ANGEL2: variants seen among roughly 807,000 people sequenced by gnomAD.
The protein encoded by ANGEL2 is angel homolog 2, also known as RNA 2',3'-cyclic phosphatase ANGEL2.
ANGEL2 carries 41 observed loss-of-function variants against 66.0 expected under a neutral mutation model. The ratio of observed to expected loss-of-function variants is 0.62; its 90% CI spans 0.48 to 0.81. ANGEL2 has a LOEUF of 0.81. Ranked by LOEUF, ANGEL2 falls within the 30% of genes least tolerant of loss-of-function variation. The pLI is 0.00. For missense variants in ANGEL2, 561 were observed against 641.6 expected, an observed-to-expected ratio of 0.87 and a Z score of 1.36; for synonymous variants, 208 against 226.5, an observed-to-expected ratio of 0.92 and a Z score of 0.73.
intron 5 of ANGEL2, among the ~76,000 whole-genome samples, chr1:213,004,198 C>T (rs1294648132): frequency 6.6e-6 from 1 of 150,610 alleles, no homozygotes; most frequent in Non-Finnish European, 1.5e-5. Context: ...AAGACTCCAT[C>T]TCAAAAAAAA....
At position 212,994,956 on chromosome 1, in the gene ANGEL2, AAAC is replaced by A. The variant is rs2075956102; in HGVS notation, c.*82_*84del. 5 of 1,273,662 alleles carry A rather than the reference AAAC, an allele frequency of 3.9e-6. No homozygotes were observed. The African/African-American group carries it at 4.6e-5, about 12-fold the overall frequency. 78.9% of individuals were successfully genotyped at this position (1,273,662 alleles called of 1,614,324 possible). A position where few individuals can be genotyped will look rare whatever the true frequency, so the allele number is the denominator to read the frequency against. On this transcript the variant is annotated 3_prime_UTR_variant, in exon 9 of 9. Coordinates refer to ENST00000366962, the MANE Select transcript of ANGEL2 (RefSeq NM_144567.5). ...TTCAGAATCTCCACAGTGCAAAAAT[AAAC>A]AACATGCATACACTTAAGAACTTTA...
chr1:212,994,923 A>C lies in ANGEL2; in HGVS notation c.*118T>G, dbSNP rs2075955143. 1 of 924,550 alleles carries C rather than the reference A, an allele frequency of 1.1e-6. No individual in the cohort carries two copies. 57.3% of individuals were successfully genotyped at this position (924,550 alleles called of 1,614,324 possible). ...GATATGGAGTTTCAAAGCATCTAAC[A>C]TAACCGCTTCAGAATCTCCACAGTG... On this transcript the variant is annotated 3_prime_UTR_variant, in exon 9 of 9. Transcript: ENST00000366962.
intron 2 of ANGEL2, chr1:213,011,075 T>C: frequency 2.0e-6 from 2 of 978,614 alleles, no homozygotes; most frequent in Non-Finnish European, 2.7e-6. Flanking sequence ...CATTTGCTTT[T>C]AATAAACTTA....
chr1:212,993,290 T>C lies in ANGEL2; in HGVS notation c.*1751A>G, dbSNP rs994490451. On this transcript the variant is annotated 3_prime_UTR_variant, in exon 9 of 9. Transcript: ENST00000366962. ...CGCCACTGCACTCCAGCCTGGGCGA[T>C]AGCGTGAGACACCATCTAAAAAATA... The C allele has an allele frequency of 9.9e-5, 15 of 152,144 alleles. No homozygotes were observed. Among genetic ancestry groups the C allele is most frequent in the African/African-American group, 2.2e-4 (9 of 41,420 alleles). The allele number at this position is 152,144 out of a possible 1,614,324, so 9.4% of individuals were successfully genotyped here.
Position 213,011,357 on chromosome 1 carries a change from T to C in ANGEL2, c.385+1736A>G, listed in dbSNP as rs1274082146. 5.1e-6 allele frequency: 6 copies of C among 1,177,592 alleles called. No individual in the cohort carries two copies. The African/African-American group carries it at 6.5e-5, about 13-fold the overall frequency. 72.9% of individuals were successfully genotyped at this position (1,177,592 alleles called of 1,614,324 possible). ...TCCTTCAAATACCACTTTAAAGTGATAGGCAAGTTAGCAATGCTGTTTTCT... is the reference window on the plus strand; with the variant it reads ...TCCTTCAAATACCACTTTAAAGTGACAGGCAAGTTAGCAATGCTGTTTTCT... On this transcript the variant is annotated intron_variant, in intron 2 of 8. Transcript: ENST00000366962.
Position 213,005,432 on chromosome 1 carries a change from C to T in ANGEL2, c.735G>A (p.Met245Ile), listed in dbSNP as rs1457125672. Reference sequence around the variant, plus strand: ...AGCCATCAGGTTTCCTTCCTGTCCGCATCTTATATTCACAGTGATAACCTA... The same window carrying T: ...AGCCATCAGGTTTCCTTCCTGTCCGTATCTTATATTCACAGTGATAACCTA... ...ESLGYHCEYK[M>I]RTGRKPDGCA... is the part of the protein sequence containing the mutation. The change falls in exon 5 of 9, where the codon ATG (methionine) becomes ATA (isoleucine). Residue 245 changes from methionine (M) to isoleucine (I), a missense_variant. Coordinates refer to ENST00000366962, the MANE Select transcript of ANGEL2 (RefSeq NM_144567.5). The T allele has an allele frequency of 6.2e-7, 1 of 1,606,106 alleles. No homozygotes were observed. The highest frequency in any genetic ancestry group is 8.5e-7 in the Non-Finnish European group (1 of 1,175,928).
chr1:213,008,273 T>C lies in ANGEL2; in HGVS notation c.579A>G (p.Pro193=). 6.2e-7 allele frequency: 1 copy of C among 1,614,190 alleles called. No homozygotes were observed. Among genetic ancestry groups the C allele is most frequent in the South Asian group, 1.1e-5 (1 of 91,086 alleles). Residue 193 remains proline, a synonymous_variant, in exon 3 of 9, where the codon CCA becomes CCG. Transcript: ENST00000366962. ...NSHLYRHCRR[P]VLHWSFRFPN... is the part of the protein sequence containing the mutation. ...GAAACCTAAAACTCCAGTGTAATAC[T>C]GGCCGCCGGCAATGTCTATAAAGGT...
At chr1:212,996,640 A>AAAAAAATAT (rs56102625) in intron 8 of ANGEL2, among the ~76,000 whole-genome samples, 5 of 66,474 alleles carry the variant, frequency 7.5e-5, no homozygotes, top group African/African-American at 3.5e-4. Flanking sequence ...AAAAAAAAAA[A>AAAAAAATAT]ATATATATAT....
chr1:213,005,374 G>A lies in ANGEL2; in HGVS notation c.793C>T (p.Leu265Phe). Reference protein sequence around the residue: ...AICFKHSKFSLLSVNPVEFFR... With the variant: ...AICFKHSKFSFLSVNPVEFFR... ...AATTCCACTGGGTTCACTGACAAGA[G>A]TGAAAATTTGGAATGTTTGAAGCAA... The change falls in exon 5 of 9, where the codon CTC becomes TTC. Residue 265 changes from leucine to phenylalanine, a missense_variant. Coordinates refer to ENST00000366962, the MANE Select transcript of ANGEL2 (RefSeq NM_144567.5). The A allele has an allele frequency of 6.2e-7, 1 of 1,614,234 alleles. No individual in the cohort carries two copies. Among genetic ancestry groups the A allele is most frequent in the Non-Finnish European group, 8.5e-7 (1 of 1,180,044 alleles).
chr1:212,996,640 A>AATATATATATATATAT (rs34712162), intron 8 of ANGEL2, among the ~76,000 whole-genome samples: 1 of 66,482 alleles, frequency 1.5e-5, no homozygotes, highest in African/African-American at 6.9e-5. Flanking sequence ...AAAAAAAAAA[A>AATATATATATATATAT]ATATATATAT....
At chr1:213,005,526 C>A in intron 4 of ANGEL2, 72 bp from the exon 5 acceptor site, 1 of 1,387,522 alleles carries the variant, frequency 7.2e-7, no homozygotes, top group African/African-American at 1.4e-5. Context: ...TCACCTGATA[C>A]TTCTGAACAA....
At chr1:213,002,733 C>T (rs1434552123) in intron 5 of ANGEL2, among the ~76,000 whole-genome samples, 2 of 152,052 alleles carry the variant, frequency 1.3e-5, no homozygotes, top group Non-Finnish European at 2.9e-5. Flanking sequence ...GCCTGGGCAA[C>T]ATGGTGAAAC....
intron 7 of ANGEL2, among the ~76,000 whole-genome samples, chr1:212,998,986 T>C (rs1044458706): frequency 2.0e-5 from 3 of 152,040 alleles, no homozygotes; most frequent in African/African-American, 7.2e-5. Flanking sequence ...GTTCAAGCAA[T>C]ACTCTGCCTC....
Position 213,005,368 on chromosome 1 carries a change from A to C in ANGEL2, c.799T>G (p.Ser267Ala). Residue 267 changes from serine to alanine, a missense_variant, in exon 5 of 9, where the codon TCA (serine) becomes GCA (alanine). Coordinates refer to ENST00000366962, the MANE Select transcript of ANGEL2 (RefSeq NM_144567.5). Reference sequence around the variant, plus strand: ...CGGAAGAATTCCACTGGGTTCACTGACAAGAGTGAAAATTTGGAATGTTTG... The same window carrying C: ...CGGAAGAATTCCACTGGGTTCACTGCCAAGAGTGAAAATTTGGAATGTTTG... Reference protein sequence around the residue: ...CFKHSKFSLLSVNPVEFFRPD... With the variant: ...CFKHSKFSLLAVNPVEFFRPD... 6.2e-7 allele frequency: 1 copy of C among 1,614,256 alleles called. No homozygotes were observed. The highest frequency in any genetic ancestry group is 1.1e-5 in the South Asian group (1 of 91,090).
rs571188573 is a variant in ANGEL2, at chr1:213,015,610, G to C, written c.59+3C>G. 2 of 1,584,534 alleles carry C rather than the reference G, an allele frequency of 1.3e-6. No homozygotes were observed. Among genetic ancestry groups the C allele is most frequent in the Non-Finnish European group, 1.7e-6 (2 of 1,164,584 alleles). On this transcript the variant is annotated splice_donor_region_variant and intron_variant, in intron 1 of 8. Coordinates refer to ENST00000366962, the MANE Select transcript of ANGEL2 (RefSeq NM_144567.5). ...CTCCCTCCGAGTACCCAGCCCTACT[G>C]ACCGGCCTCTTCCCACCACACAGTG...
intron 2 of ANGEL2, 110 bp from the exon 3 acceptor site, chr1:213,008,576 G>C: frequency 2.3e-6 from 3 of 1,285,694 alleles, no homozygotes; most frequent in Non-Finnish European, 3.2e-6. Context: ...GCAATGAATA[G>C]AATGTTTTTC....
Position 213,008,214 on chromosome 1 carries a change from G to A in ANGEL2, c.638C>T (p.Ala213Val), listed in dbSNP as rs1346410601. ...TCAATAATATTTTGCACTTACGTCT[G>A]CATCAAAATGTTTAATTTCTTTCAG... ...NILKEIKHFD[A>V]DVLCLQEVQE... The change falls in exon 3 of 9, where the codon GCA (alanine) becomes GTA (valine). Residue 213 changes from alanine to valine, a missense_variant. By Grantham distance (64) the Ala-to-Val change is moderately conservative (BLOSUM62 0). Coordinates refer to ENST00000366962, the MANE Select transcript of ANGEL2 (RefSeq NM_144567.5). The A allele has an allele frequency of 1.9e-6, 3 of 1,612,130 alleles. No individual in the cohort carries two copies. The African/African-American group carries it at 4.0e-5, about 22-fold the overall frequency.
At position 212,994,875 on chromosome 1, in the gene ANGEL2, AT is replaced by A. The variant is rs1238817380; in HGVS notation, c.*165del. ...AAAATATTTTTCATTATTAAAAAAA[AT>A]TGTTATAAAGTTATTTCTTCTGATA... is the stretch of plus-strand genomic sequence containing the variant. On this transcript the variant is annotated 3_prime_UTR_variant, in exon 9 of 9. Coordinates refer to ENST00000366962, the MANE Select transcript of ANGEL2 (RefSeq NM_144567.5). 3 of 510,150 alleles carry A rather than the reference AT, an allele frequency of 5.9e-6. No individual in the cohort carries two copies. In the African/African-American group the frequency reaches 6.0e-5, roughly 10 times the overall value. The allele number at this position is 510,150 out of a possible 1,614,324, so 31.6% of individuals were successfully genotyped here. A position where few individuals can be genotyped will look rare whatever the true frequency, so the allele number is the denominator to read the frequency against.
chr1:213,004,049 CA>C (rs1208758157), intron 5 of ANGEL2, among the ~76,000 whole-genome samples: 1 of 151,804 alleles, frequency 6.6e-6, no homozygotes, highest in East Asian at 1.9e-4. Context: ...ACTAAAAATA[CA>C]AAAAATTAGC....
Sources: allele counts gnomAD v4.1 joint callset (sites outside exome capture counted in the v4.1 genomes callset), GRCh38; gene constraint gnomAD v4.1.1; transcripts MANE v1.5; gene names NCBI Gene and HGNC (gene_info 2026-07-23, HGNC 2026-07-21).